Variants in COL4A4 observed in about 807,000 individuals in gnomAD.
The protein encoded by COL4A4 is collagen alpha-4(IV) chain.
In COL4A4, 105 loss-of-function variants were observed where a neutral mutation model predicts 192.9. That is an observed-to-expected ratio of 0.54 (90% CI 0.46 to 0.64). The LOEUF (loss-of-function observed/expected upper bound fraction) is 0.64, where lower values mean the gene tolerates loss of function less well. Ranked by LOEUF, COL4A4 falls within the 30% of genes least tolerant of loss-of-function variation. The pLI, the probability that COL4A4 is intolerant of heterozygous loss-of-function variation, is 0.00. For missense variants in COL4A4, 1,967 were observed against 2,169.3 expected, an observed-to-expected ratio of 0.91 and a Z score of 1.85; for synonymous variants, 762 against 769.9, an observed-to-expected ratio of 0.99 and a Z score of 0.17.
At chr2:227,140,064 C>T (rs1451090326) in intron 4 of COL4A4, 97 bp downstream of exon 4, 1 of 1,079,094 alleles carries the variant, frequency 9.3e-7, no homozygotes, top group African/African-American at 1.6e-5. Context: ...TTATCGAGGA[C>T]TAAAATTTGC....
At chr2:227,163,851 C>G (rs1481037043) in intron 1 of COL4A4, among the ~76,000 whole-genome samples, 156 bp downstream of exon 1, 3 of 152,190 alleles carry the variant, frequency 2.0e-5, no homozygotes, top group Non-Finnish European at 2.9e-5. Context: ...GCAGACAAGC[C>G]CAGGAGCCAG....
chr2:227,061,393 G>T (rs1337564301), intron 26 of COL4A4, among the ~76,000 whole-genome samples: 1 of 152,182 alleles, frequency 6.6e-6, no homozygotes, highest in Non-Finnish European at 1.5e-5. Flanking sequence ...CCAATCAGAG[G>T]TGTGGAGGGA....
At chr2:227,035,240 G>A (rs1969371433) in intron 37 of COL4A4, among the ~76,000 whole-genome samples, 1 of 152,132 alleles carries the variant, frequency 6.6e-6, no homozygotes, top group South Asian at 2.1e-4. Context: ...GAGGGAGAAA[G>A]CTACAAAAAG....
the COL4A4 span, among the ~76,000 whole-genome samples, chr2:226,986,363 T>C: frequency 6.6e-5 from 10 of 152,240 alleles, no homozygotes; most frequent in African/African-American, 2.2e-4. Context: ...GTTGGTTTCT[T>C]AGTTTCGACA....
intron 1 of COL4A4, among the ~76,000 whole-genome samples, chr2:227,157,798 G>T (rs2064472498): frequency 6.6e-6 from 1 of 151,978 alleles, no homozygotes; most frequent in African/African-American, 2.4e-5. Flanking sequence ...TCAGGGCTAG[G>T]TGGCTTTACT....
In COL4A4 at chr2:227,163,381, C is replaced by T. The variant is rs552576918; in HGVS notation, c.-102+626G>A. ...TTAATCGGCCTGCTGTTAAATCAAG[C>T]TATTTAATGCAATAATGATGATGCA... On this transcript the variant is annotated intron_variant, in intron 1 of 47. Transcript: ENST00000396625. 3.3e-5 allele frequency among the ~76,000 whole-genome samples: 5 copies of T among 152,368 alleles called. No homozygotes were observed. In the East Asian group the frequency reaches 9.6e-4, roughly 29 times the overall value.
the COL4A4 span, among the ~76,000 whole-genome samples, chr2:226,974,339 G>T: frequency 4.6e-5 from 7 of 151,890 alleles, no homozygotes; most frequent in Non-Finnish European, 7.4e-5. Context: ...CTGGGTTCAC[G>T]CCATTCTTCT....
At chr2:226,973,519 C>T in the COL4A4 span, among the ~76,000 whole-genome samples, 3 of 152,200 alleles carry the variant, frequency 2.0e-5, no homozygotes, top group Non-Finnish European at 2.9e-5. Context: ...AAGAGCAAAG[C>T]TCTACTGCCT....
intron 3 of COL4A4, among the ~76,000 whole-genome samples, chr2:227,143,123 G>T (rs1029691250): frequency 2.6e-5 from 4 of 152,064 alleles, no homozygotes; most frequent in African/African-American, 9.7e-5. Context: ...ATGGTGGATT[G>T]CTCTATATTT....
intron 30 of COL4A4, among the ~76,000 whole-genome samples, chr2:227,055,176 T>C (rs1008294058): frequency 1.3e-5 from 2 of 152,154 alleles, no homozygotes; most frequent in African/African-American, 4.8e-5. Context: ...TGCCTAACGC[T>C]GAGTTTGTAT....
intron 43 of COL4A4, chr2:227,022,409 C>T (rs913166387): frequency 4.1e-6 from 3 of 734,112 alleles, no homozygotes; most frequent in Non-Finnish European, 7.7e-6. Context: ...GTCGGGCTGA[C>T]CGAATGAGTG....
chr2:227,145,497 CT>C, intron 2 of COL4A4, among the ~76,000 whole-genome samples: 1 of 152,198 alleles, frequency 6.6e-6, no homozygotes, highest in Admixed American at 6.5e-5. Context: ...TTTTCTAGAC[CT>C]TATATTTGTC....
chr2:227,085,664 A>C (rs1266510883), intron 22 of COL4A4, among the ~76,000 whole-genome samples: 2 of 151,952 alleles, frequency 1.3e-5, no homozygotes, highest in African/African-American at 4.8e-5. Context: ...GAGGTCCCAG[A>C]CTCCTTTGAA....
chr2:227,134,078 C>G (rs72971824), intron 4 of COL4A4, among the ~76,000 whole-genome samples: 8,569 of 152,162 alleles, frequency 0.056, 282 homozygotes, highest in Middle Eastern at 0.078. Context: ...AAACTGGAAG[C>G]TGGTGGGCTG....
At chr2:227,117,540 A>C (rs1352178081) in intron 7 of COL4A4, among the ~76,000 whole-genome samples, 3 of 152,280 alleles carry the variant, frequency 2.0e-5, no homozygotes, top group African/African-American at 4.8e-5. Context: ...GAGCAAAAGG[A>C]AGACTCGTGA....
intron 25 of COL4A4, 47 bp downstream of exon 25, chr2:227,077,847 C>T: frequency 6.6e-7 from 1 of 1,520,042 alleles, no homozygotes; most frequent in Non-Finnish European, 9.0e-7. Flanking sequence ...AAAATAAACA[C>T]TTGTACCCCA....
At chr2:226,995,648 G>T in the COL4A4 span, 2 of 703,624 alleles carry the variant, frequency 2.8e-6, no homozygotes, top group African/African-American at 1.8e-5. Flanking sequence ...GCTCCAGATC[G>T]CTCACATCAC....
chr2:226,982,768 T>TGC, the COL4A4 span, among the ~76,000 whole-genome samples: 1 of 152,196 alleles, frequency 6.6e-6, no homozygotes, highest in Non-Finnish European at 1.5e-5. Context: ...TTTCATTCAT[T>TGC]CCTCAAGCAT....
At chr2:226,995,660 T>C in the COL4A4 span, 7 of 670,132 alleles carry the variant, frequency 1.0e-5, no homozygotes, top group African/African-American at 1.3e-4. Context: ...TCACATCACC[T>C]GGGACAGTCC....
Sources: gnomAD v4.1 joint callset for allele counts (sites outside exome capture counted in the v4.1 genomes callset) on GRCh38, gnomAD v4.1.1 for gene constraint, MANE v1.5 for transcripts, NCBI Gene and HGNC (gene_info 2026-07-23, HGNC 2026-07-21) for gene names.